CUX1: variants seen among roughly 807,000 people sequenced by gnomAD.
CUX1 encodes the protein cut like homeobox 1.
In CUX1, 31 loss-of-function variants were observed where a neutral mutation model predicts 158.8. The observed-to-expected ratio is 0.20, with a 90% CI of 0.15 to 0.26. The LOEUF (loss-of-function observed/expected upper bound fraction) is 0.26. Among genes scored for constraint, CUX1 ranks in the 10% least tolerant of loss-of-function variants. The probability of loss-of-function intolerance (pLI) is 1.00; values close to 1 mark genes in which losing one functional copy is unlikely to be tolerated. For synonymous variants in CUX1, 879 were observed against 862.1 expected, an observed-to-expected ratio of 1.02 and a Z score of -0.34; for missense variants, 1,589 against 2,014.6, an observed-to-expected ratio of 0.79 and a Z score of 4.04.
intron 20 of CUX1, 61 bp from the exon 21 acceptor site, chr7:102,227,306 A>T: frequency 7.0e-7 from 1 of 1,422,456 alleles, no homozygotes; most frequent in South Asian, 1.3e-5. Flanking sequence ...TAAGGAACGT[A>T]GATGGTCGTG....
intron 1 of CUX1, among the ~76,000 whole-genome samples, chr7:101,880,193 C>CA (rs1284130735): frequency 1.2e-4 from 18 of 152,058 alleles, no homozygotes; most frequent in Non-Finnish European, 2.6e-4. Flanking sequence ...ATTGAAAAAA[C>CA]AAAAAACTCC....
chr7:102,005,598 A>T (rs1369198314), intron 2 of CUX1, among the ~76,000 whole-genome samples: 2 of 152,044 alleles, frequency 1.3e-5, no homozygotes, highest in African/African-American at 4.8e-5. Flanking sequence ...AGCCTCCCAC[A>T]GGGCTGGGGT....
intron 2 of CUX1, among the ~76,000 whole-genome samples, chr7:101,917,010 C>T (rs558984845): frequency 4.6e-5 from 7 of 152,274 alleles, no homozygotes; most frequent in Admixed American, 2.0e-4. Flanking sequence ...GGCGCTCATC[C>T]CGCGGGCTCG....
intron 2 of CUX1, among the ~76,000 whole-genome samples, chr7:101,995,468 G>C (rs1020029849): frequency 2.6e-5 from 4 of 152,142 alleles, no homozygotes; most frequent in African/African-American, 9.7e-5. Flanking sequence ...TTACGCCTTT[G>C]GATTCAATGA....
intron 2 of CUX1, among the ~76,000 whole-genome samples, chr7:102,012,751 A>C: frequency 6.6e-6 from 1 of 152,112 alleles, no homozygotes; most frequent in East Asian, 1.9e-4. Flanking sequence ...TCTCAGTACA[A>C]ATTTAATGAA....
intron 3 of CUX1, among the ~76,000 whole-genome samples, chr7:102,059,789 G>A (rs528105433): frequency 2.0e-5 from 3 of 152,212 alleles, no homozygotes; most frequent in Non-Finnish European, 2.9e-5. Context: ...GCCAGACTTC[G>A]AGTGAGACAA....
At chr7:101,998,348 A>G (rs1237224907) in intron 2 of CUX1, among the ~76,000 whole-genome samples, 4 of 152,246 alleles carry the variant, frequency 2.6e-5, no homozygotes, top group Non-Finnish European at 5.9e-5. Context: ...TCTGAGCTGT[A>G]GGTGCACATT....
chr7:102,175,901 A>G (rs1792266050), intron 10 of CUX1, among the ~76,000 whole-genome samples: 1 of 152,224 alleles, frequency 6.6e-6, no homozygotes, highest in South Asian at 2.1e-4. Context: ...ATCGCTATAA[A>G]AGTTTCTAAA....
At chr7:102,097,306 C>CG (rs1474892220) in intron 4 of CUX1, 58 bp from the exon 5 acceptor site, 2 of 1,563,262 alleles carry the variant, frequency 1.3e-6, no homozygotes, top group African/African-American at 2.7e-5. Context: ...TGTGTACCGC[C>CG]GTGGAGGGGG....
Position 101,888,185 on chromosome 7 carries a change from T to TCTG in CUX1, c.31-27929_31-27927dup, listed in dbSNP as rs548483172. Reference sequence around the variant, plus strand: ...CCCGTCTCTACTAAAAATACAAAAATCTGGGTGTGGTGGCACATTCCTGTA... The same window carrying TCTG: ...CCCGTCTCTACTAAAAATACAAAAATCTGCTGGGTGTGGTGGCACATTCCTGTA... On this transcript the variant is annotated intron_variant, in intron 1 of 23. Transcript: ENST00000292535. Among the ~76,000 whole-genome samples the TCTG allele has an allele frequency of 7.9e-3, 1,200 of 151,976 alleles. 20 individuals carry two copies. The highest frequency in any genetic ancestry group is 0.028 in the African/African-American group (1,151 of 41,482).
At chr7:101,872,323 G>T (rs538216681) in intron 1 of CUX1, among the ~76,000 whole-genome samples, 1 of 151,842 alleles carries the variant, frequency 6.6e-6, no homozygotes, top group Admixed American at 6.6e-5. Flanking sequence ...TAGTAGAGAC[G>T]GGGTTTCACC....
At chr7:101,907,986 A>T (rs1465026737) in intron 1 of CUX1, among the ~76,000 whole-genome samples, 1 of 152,112 alleles carries the variant, frequency 6.6e-6, no homozygotes, top group African/African-American at 2.4e-5. Context: ...GTTTACTTTT[A>T]GGAGTAGGCA....
chr7:102,218,165 C>T (rs1797437931), intron 20 of CUX1, among the ~76,000 whole-genome samples: 1 of 152,248 alleles, frequency 6.6e-6, no homozygotes, highest in South Asian at 2.1e-4. Context: ...TCGTCCCAGA[C>T]TCTTTGTTTG....
downstream of CUX1, among the ~76,000 whole-genome samples, chr7:102,259,760 AAGAAAAGAG>A (rs1163108789): frequency 8.1e-4 from 3 of 3,700 alleles, no homozygotes; most frequent in Admixed American, 0.01. Flanking sequence ...AAAAAAAAGA[AAGAAAAGAG>A]AAAGGAAGGA....
At chr7:101,841,604 C>T (rs1795204995) in intron 1 of CUX1, among the ~76,000 whole-genome samples, 2 of 152,064 alleles carry the variant, frequency 1.3e-5, no homozygotes, top group Admixed American at 6.6e-5. Context: ...GTCACCCAGG[C>T]TGGAAGGCAG....
At chr7:102,076,266 T>A (rs948565787) in intron 4 of CUX1, among the ~76,000 whole-genome samples, 1 of 152,038 alleles carries the variant, frequency 6.6e-6, no homozygotes, top group Non-Finnish European at 1.5e-5. Flanking sequence ...GCACCTGTAA[T>A]CCCAGCTACT....
intron 2 of CUX1, among the ~76,000 whole-genome samples, chr7:101,981,168 C>G (rs1259531951): frequency 6.6e-6 from 1 of 152,028 alleles, no homozygotes; most frequent in Non-Finnish European, 1.5e-5. Context: ...TTTGTGAATC[C>G]TGAGCCAGTA....
At chr7:102,160,780 C>T (rs375160166) in intron 9 of CUX1, among the ~76,000 whole-genome samples, 9 of 151,898 alleles carry the variant, frequency 5.9e-5, no homozygotes, top group African/African-American at 9.7e-5. Context: ...CTGCCAGGGA[C>T]GAGGAGAGGA....
intron 22 of CUX1, among the ~76,000 whole-genome samples, chr7:102,238,028 C>T (rs1425415843): frequency 6.6e-6 from 1 of 152,156 alleles, no homozygotes; most frequent in African/African-American, 2.4e-5. Context: ...ATCTAGAAGG[C>T]AGAGCCAGGT....
Sources: allele counts gnomAD v4.1 joint callset (sites outside exome capture counted in the v4.1 genomes callset), GRCh38; gene constraint gnomAD v4.1.1; transcripts MANE v1.5; gene names NCBI Gene and HGNC (gene_info 2026-07-23, HGNC 2026-07-21).